Variants in SEPSECS observed in about 807,000 individuals in gnomAD.
SEPSECS encodes Sep (O-phosphoserine) tRNA:Sec (selenocysteine) tRNA synthase.
In SEPSECS, 42 loss-of-function variants were observed where a neutral mutation model predicts 52.1. The ratio of observed to expected loss-of-function variants is 0.81; its 90% CI spans 0.63 to 1.04. The LOEUF (loss-of-function observed/expected upper bound fraction) is 1.04, where lower values mean the gene tolerates loss of function less well. Among genes scored for constraint, SEPSECS ranks in the 50% least tolerant of loss-of-function variants. The pLI, the probability that SEPSECS is intolerant of heterozygous loss-of-function variation, is 0.00. For missense variants in SEPSECS, 590 were observed against 610.6 expected (o/e 0.97, Z 0.36); for synonymous variants, 216 against 211.4 (o/e 1.02, Z -0.19).
intron 8 of SEPSECS, among the ~76,000 whole-genome samples, chr4:25,142,074 C>T (rs1323765807): frequency 1.3e-5 from 2 of 152,192 alleles, no homozygotes; most frequent in Non-Finnish European, 2.9e-5. Flanking sequence ...GTCAGGAGTT[C>T]AAGACCAGCC....
intron 6 of SEPSECS, among the ~76,000 whole-genome samples, chr4:25,148,073 C>T (rs1272439561): frequency 6.6e-6 from 1 of 152,112 alleles, no homozygotes; most frequent in Non-Finnish European, 1.5e-5. Flanking sequence ...TAGTAGAGGG[C>T]CAGGCACGGT....
chr4:25,129,931 C>T (rs1156779145), intron 8 of SEPSECS, among the ~76,000 whole-genome samples: 1 of 152,108 alleles, frequency 6.6e-6, no homozygotes, highest in Admixed American at 6.5e-5. Context: ...ATATTAAATG[C>T]TGATTTTTCT....
intron 5 of SEPSECS, among the ~76,000 whole-genome samples, chr4:25,152,871 T>G (rs1024095849): frequency 6.6e-6 from 1 of 151,970 alleles, no homozygotes; most frequent in Non-Finnish European, 1.5e-5. Context: ...TATTAAAAGT[T>G]TTCTTTCTAA....
chr4:25,122,317 A>G lies in SEPSECS; in HGVS notation c.*1614T>C, dbSNP rs151120379. Reference sequence around the variant, plus strand: ...TACACATGTCTGACCTCATGTTTACAAACAGTCTGGGACAATGTACAACGT... The same window carrying G: ...TACACATGTCTGACCTCATGTTTACGAACAGTCTGGGACAATGTACAACGT... On this transcript the variant is annotated 3_prime_UTR_variant, in exon 11 of 11. Transcript: ENST00000382103. 1.8e-4 allele frequency: 28 copies of G among 152,286 alleles called. No individual in the cohort carries two copies. In the East Asian group the frequency reaches 5.4e-3, roughly 29 times the overall value. The allele number at this position is 152,286 out of a possible 1,614,324, so 9.4% of individuals were successfully genotyped here. A position where few individuals can be genotyped will look rare whatever the true frequency, so the allele number is the denominator to read the frequency against.
At chr4:25,128,289 A>G (rs1707912080) in intron 8 of SEPSECS, among the ~76,000 whole-genome samples, 1 of 152,218 alleles carries the variant, frequency 6.6e-6, no homozygotes, top group Admixed American at 6.5e-5. Flanking sequence ...CAAGTTATTT[A>G]GGAAAAGGTA....
chr4:25,136,959 C>A lies in SEPSECS; in HGVS notation c.1026+7815G>T, dbSNP rs551426218. On this transcript the variant is annotated intron_variant, in intron 8 of 10. Transcript: ENST00000382103. ...TGGCAAACCTGACAAAAACAAGCAA[C>A]GGGGAAAGGATTCTCTATTTAATAA... Among the ~76,000 whole-genome samples, 42 of 152,054 alleles carry A rather than the reference C, an allele frequency of 2.8e-4. No homozygotes were observed. In the South Asian group the frequency reaches 7.9e-3, roughly 29 times the overall value.
At position 25,160,378 on chromosome 4, in the gene SEPSECS, T is replaced by C. The variant is rs1387772689; in HGVS notation, c.-9A>G. 7 of 1,541,074 alleles carry C rather than the reference T, an allele frequency of 4.5e-6. No individual in the cohort carries two copies. The highest frequency in any genetic ancestry group is 6.1e-6 in the Non-Finnish European group (7 of 1,139,558). On this transcript the variant is annotated 5_prime_UTR_variant, in exon 1 of 11. Transcript: ENST00000382103. ...AAGCTCTCGCGGTTCATGACAGCGG[T>C]GGCGACAGTGGCGAATAAGCGGGAG...
Position 25,156,971 on chromosome 4 carries a change from G to GTC in SEPSECS, c.272_273insGA (p.Phe91LeufsTer25). On this transcript the variant is annotated frameshift_variant, in exon 3 of 11. Coordinates refer to ENST00000382103, the MANE Select transcript of SEPSECS (RefSeq NM_016955.4). LOFTEE classifies it high-confidence loss of function. ...CACCGGATCGTCCAATGCCATGAAT[G>GTC]AACCTAAGCAAAAAATGGGCCAAAA... 1 of 1,586,528 alleles carries GTC rather than the reference G, an allele frequency of 6.3e-7. No homozygotes were observed.
At chr4:25,133,063 T>C (rs967010753) in intron 8 of SEPSECS, among the ~76,000 whole-genome samples, 3 of 152,176 alleles carry the variant, frequency 2.0e-5, no homozygotes, top group Non-Finnish European at 4.4e-5. Context: ...TCTAGCACAG[T>C]TCCTGGCATA....
At chr4:25,137,608 A>C (rs1472609135) in intron 8 of SEPSECS, among the ~76,000 whole-genome samples, 1 of 152,260 alleles carries the variant, frequency 6.6e-6, no homozygotes. Flanking sequence ...ACACTTTTAC[A>C]CTGTTGGTGG....
chr4:25,121,935 A>G lies in SEPSECS; in HGVS notation c.*1996T>C, dbSNP rs1451408083. The G allele has an allele frequency of 1.3e-5, 2 of 152,196 alleles. No individual in the cohort carries two copies. The highest frequency in any genetic ancestry group is 2.9e-5 in the Non-Finnish European group (2 of 68,012). 9.4% of individuals were successfully genotyped at this position (152,196 alleles called of 1,614,324 possible). ...AGCTAAATGATGATCACAACAATATAGATCACTTGTTCTATAAAACAATTT... is the reference window on the plus strand; with the variant it reads ...AGCTAAATGATGATCACAACAATATGGATCACTTGTTCTATAAAACAATTT... On this transcript the variant is annotated 3_prime_UTR_variant, in exon 11 of 11. Coordinates refer to ENST00000382103, the MANE Select transcript of SEPSECS (RefSeq NM_016955.4).
chr4:25,135,744 A>T (rs950332916), intron 8 of SEPSECS, among the ~76,000 whole-genome samples: 9 of 149,886 alleles, frequency 6.0e-5, no homozygotes, highest in Middle Eastern at 3.4e-3. Flanking sequence ...CAGAAATTTT[A>T]AAAAAAAAAC....
At chr4:25,127,192 C>CTTCTAGAAGGAGAGAAAACTCT in intron 9 of SEPSECS, 72 bp downstream of exon 9, 1 of 898,520 alleles carries the variant, frequency 1.1e-6, no homozygotes, top group Non-Finnish European at 1.8e-6. Flanking sequence ...GTTTTCTCTC[C>CTTCTAGAAGGAGAGAAAACTCT]TTCTAGAAGT....
intron 1 of SEPSECS, 147 bp downstream of exon 1, chr4:25,160,109 G>A (rs1712971867): frequency 6.9e-7 from 1 of 1,451,002 alleles, no homozygotes; most frequent in Non-Finnish European, 9.1e-7. Context: ...ACCGCAGTCG[G>A]TCAGCTAGGG....
Position 25,123,803 on chromosome 4 carries a change from T to C in SEPSECS, c.*128A>G, listed in dbSNP as rs994723607. 1 of 808,640 alleles carries C rather than the reference T, an allele frequency of 1.2e-6. No homozygotes were observed. The highest frequency in any genetic ancestry group is 2.1e-6 in the Non-Finnish European group (1 of 483,746). The allele number at this position is 808,640 out of a possible 1,614,324, so 50.1% of individuals were successfully genotyped here. ...CATCAATGGCTAGTTCAGACCAAAG[T>C]CTGCTCCTTGACTGAATATTCCCAT... On this transcript the variant is annotated 3_prime_UTR_variant, in exon 11 of 11. Transcript: ENST00000382103.
At chr4:25,151,182 T>C (rs1404746990) in intron 6 of SEPSECS, among the ~76,000 whole-genome samples, 1 of 152,150 alleles carries the variant, frequency 6.6e-6, no homozygotes. Context: ...TTATTGATTG[T>C]CAATAATAAC....
At position 25,152,033 on chromosome 4, in the gene SEPSECS, T is replaced by G; in HGVS notation, c.731A>C (p.Asn244Thr). 6.3e-7 allele frequency: 1 copy of G among 1,592,944 alleles called. No individual in the cohort carries two copies. Among genetic ancestry groups the G allele is most frequent in the Non-Finnish European group, 8.6e-7 (1 of 1,160,894 alleles). The change falls in exon 6 of 11, where the codon AAT (asparagine) becomes ACT (threonine). Residue 244 changes from asparagine (N) to threonine (T), a missense_variant. Asn to Thr is a moderately conservative substitution (Grantham distance 65). Coordinates refer to ENST00000382103, the MANE Select transcript of SEPSECS (RefSeq NM_016955.4). Reference protein sequence around the residue: ...RLEELAVICANYDIPHIVNNA... With the variant: ...RLEELAVICATYDIPHIVNNA... ...ATTAACTATATGTGGAATGTCATAA[T>G]TAGCACAAATCACAGCCAGTTCTTC...
At chr4:25,139,599 T>G (rs537816989) in intron 8 of SEPSECS, among the ~76,000 whole-genome samples, 2 of 152,234 alleles carry the variant, frequency 1.3e-5, no homozygotes, top group Non-Finnish European at 2.9e-5. Flanking sequence ...TTGGCCAGGA[T>G]GGTCTCAATC....
In SEPSECS at chr4:25,122,234, T is replaced by C. The variant is rs1012785879; in HGVS notation, c.*1697A>G. ...ATGATATTCATAGTTAAATACTTCATCTCAAAATAGTCATTGACTTCCAAG... is the reference window on the plus strand; with the variant it reads ...ATGATATTCATAGTTAAATACTTCACCTCAAAATAGTCATTGACTTCCAAG... On this transcript the variant is annotated 3_prime_UTR_variant, in exon 11 of 11. Transcript: ENST00000382103. 2.0e-5 allele frequency: 3 copies of C among 152,144 alleles called. No individual in the cohort carries two copies. Among genetic ancestry groups the C allele is most frequent in the East Asian group, 1.9e-4 (1 of 5,202 alleles). The allele number at this position is 152,144 out of a possible 1,614,324, so 9.4% of individuals were successfully genotyped here.
Sources: allele counts gnomAD v4.1 joint callset (sites outside exome capture counted in the v4.1 genomes callset), GRCh38; gene constraint gnomAD v4.1.1; transcripts MANE v1.5; gene names NCBI Gene and HGNC (gene_info 2026-07-23, HGNC 2026-07-21).